SUGCT: variants seen among roughly 807,000 people sequenced by gnomAD.
The protein encoded by SUGCT is succinyl-CoA:glutarate-CoA transferase, also known as succinyl-CoA:glutarate CoA-transferase.
Under a neutral mutation model 55.0 loss-of-function variants are expected in SUGCT, and 41 were observed. The observed-to-expected ratio is 0.74, with a 90% CI of 0.58 to 0.97. The LOEUF is 0.97. Ranked by LOEUF, SUGCT falls within the 50% of genes least tolerant of loss-of-function variation. The pLI, the probability that SUGCT is intolerant of heterozygous loss-of-function variation, is 0.00. For missense variants in SUGCT, 568 were observed against 547.8 expected, an observed-to-expected ratio of 1.04 and a Z score of -0.37; for synonymous variants, 187 against 200.4, an observed-to-expected ratio of 0.93 and a Z score of 0.56.
intron 13 of SUGCT, among the ~76,000 whole-genome samples, chr7:40,777,124 T>C (rs1275947777): frequency 6.6e-6 from 1 of 152,214 alleles, no homozygotes; most frequent in Non-Finnish European, 1.5e-5. Context: ...GAGAATTTTC[T>C]TCTCTTCTCT....
At chr7:41,018,020 G>A in the SUGCT span, among the ~76,000 whole-genome samples, 2 of 151,682 alleles carry the variant, frequency 1.3e-5, no homozygotes, top group African/African-American at 4.8e-5. Flanking sequence ...AGATGGGCCA[G>A]TGTACTCTGC....
At chr7:40,754,625 T>A (rs1367321522) in intron 13 of SUGCT, among the ~76,000 whole-genome samples, 2 of 152,176 alleles carry the variant, frequency 1.3e-5, no homozygotes, top group Non-Finnish European at 2.9e-5. Context: ...AGCTCAAGGC[T>A]CTGGGTGCAC....
chr7:40,163,595 ACT>A (rs1175790997), intron 1 of SUGCT, among the ~76,000 whole-genome samples: 3 of 139,302 alleles, frequency 2.2e-5, no homozygotes, highest in Non-Finnish European at 3.1e-5. Flanking sequence ...ATAGAGCGAG[ACT>A]CTGTCTCAGA....
intron 8 of SUGCT, among the ~76,000 whole-genome samples, chr7:40,289,103 C>G (rs775615849): frequency 1.3e-5 from 2 of 152,184 alleles, no homozygotes; most frequent in African/African-American, 4.8e-5. Context: ...TCCTTATCCC[C>G]AGAACCTATG....
chr7:40,759,020 A>G (rs1452033930), intron 13 of SUGCT, among the ~76,000 whole-genome samples: 3 of 152,190 alleles, frequency 2.0e-5, no homozygotes, highest in African/African-American at 7.2e-5. Flanking sequence ...ATAGCAGGAC[A>G]TTTTGGGCAT....
intron 12 of SUGCT, among the ~76,000 whole-genome samples, chr7:40,724,170 C>A (rs561609230): frequency 1.3e-5 from 2 of 152,126 alleles, no homozygotes; most frequent in Non-Finnish European, 2.9e-5. Context: ...TTCCCTTAAT[C>A]GGAGAAAATA....
At chr7:40,182,523 C>T (rs772340034) in intron 3 of SUGCT, among the ~76,000 whole-genome samples, 1 of 147,282 alleles carries the variant, frequency 6.8e-6, no homozygotes, top group Non-Finnish European at 1.5e-5. Flanking sequence ...GGTCATGCCA[C>T]TGCACTCCAG....
rs17171732 is a variant in SUGCT, at chr7:40,563,957, A to G, written c.1089+67571A>G. On this transcript the variant is annotated intron_variant, in intron 12 of 13. Transcript: ENST00000335693. ...GAGACAAATACAGATATCAGTCCTTAAAAGTCCACAGCACAATGAGTGGGA... is the reference window on the plus strand; with the variant it reads ...GAGACAAATACAGATATCAGTCCTTGAAAGTCCACAGCACAATGAGTGGGA... Among the ~76,000 whole-genome samples the G allele has an allele frequency of 3.0e-3, 457 of 152,304 alleles. 6 individuals are homozygous for G. In the East Asian group the frequency reaches 0.03, roughly 10 times the overall value.
At chr7:40,282,623 C>T (rs1417916658) in intron 8 of SUGCT, among the ~76,000 whole-genome samples, 3 of 152,092 alleles carry the variant, frequency 2.0e-5, no homozygotes, top group African/African-American at 7.2e-5. Flanking sequence ...AGTGCAGTGG[C>T]CTGTAATCCC....
intron 8 of SUGCT, among the ~76,000 whole-genome samples, chr7:40,309,199 A>C (rs865874789): frequency 2.6e-5 from 4 of 152,314 alleles, no homozygotes; most frequent in South Asian, 4.1e-4. Flanking sequence ...ACCTTACCCT[A>C]GAATGTAAGC....
intron 12 of SUGCT, among the ~76,000 whole-genome samples, chr7:40,503,338 A>T (rs1292634808): frequency 2.0e-5 from 3 of 152,130 alleles, no homozygotes; most frequent in Non-Finnish European, 4.4e-5. Flanking sequence ...ATTTTTTAGC[A>T]AGTGGTTTTT....
intron 13 of SUGCT, among the ~76,000 whole-genome samples, chr7:40,811,449 T>C (rs534812459): frequency 6.6e-6 from 1 of 152,280 alleles, no homozygotes; most frequent in African/African-American, 2.4e-5. Context: ...CTTTTAGCAC[T>C]GTTTTATAGT....
the SUGCT span, among the ~76,000 whole-genome samples, chr7:40,899,237 C>G: frequency 6.6e-6 from 1 of 152,182 alleles, no homozygotes; most frequent in African/African-American, 2.4e-5. Context: ...CCCTCCTTCC[C>G]TCCCTCCTCA....
At chr7:41,017,326 A>G in the SUGCT span, among the ~76,000 whole-genome samples, 1 of 134,350 alleles carries the variant, frequency 7.4e-6, no homozygotes, top group Non-Finnish European at 1.7e-5. Flanking sequence ...AAGATGCGAT[A>G]CATGGGAAAG....
chr7:40,878,908 C>T, the SUGCT span, among the ~76,000 whole-genome samples: 1 of 151,974 alleles, frequency 6.6e-6, no homozygotes, highest in East Asian at 1.9e-4. Context: ...ATTCTCCTGC[C>T]TCAGCCTCCC....
intron 12 of SUGCT, among the ~76,000 whole-genome samples, chr7:40,594,152 A>C (rs1394276388): frequency 6.6e-6 from 1 of 152,018 alleles, no homozygotes; most frequent in Non-Finnish European, 1.5e-5. Context: ...AGGAAGGGGA[A>C]TATCACACTC....
At chr7:40,603,586 C>G (rs1229473241) in intron 12 of SUGCT, among the ~76,000 whole-genome samples, 1 of 151,976 alleles carries the variant, frequency 6.6e-6, no homozygotes, top group Non-Finnish European at 1.5e-5. Context: ...AGATTTTATT[C>G]TGGATTTAGA....
At position 40,690,155 on chromosome 7, in the gene SUGCT, C is replaced by T. The variant is rs369191085; in HGVS notation, c.1090-59279C>T. Among the ~76,000 whole-genome samples the T allele has an allele frequency of 4.6e-5, 7 of 151,934 alleles. No homozygotes were observed. The East Asian group carries it at 5.8e-4, about 13-fold the overall frequency. On this transcript the variant is annotated intron_variant, in intron 12 of 13. Coordinates refer to ENST00000335693, the MANE Select transcript of SUGCT (RefSeq NM_001193313.2). ...TTATTGTTGAGTCCAAAAAGGATGC[C>T]GAAAACATGTGGAGCTTGGGATATG...
intron 9 of SUGCT, among the ~76,000 whole-genome samples, chr7:40,396,355 C>T (rs1785730003): frequency 6.6e-6 from 1 of 151,770 alleles, no homozygotes; most frequent in African/African-American, 2.4e-5. Context: ...GATAATTTGC[C>T]CTGAAAAGTA....
Sources: allele counts gnomAD v4.1 joint callset (sites outside exome capture counted in the v4.1 genomes callset), GRCh38; gene constraint gnomAD v4.1.1; transcripts MANE v1.5; gene names NCBI Gene and HGNC (gene_info 2026-07-23, HGNC 2026-07-21).